Variants in ANXA9 observed in about 807,000 individuals in gnomAD.
ANXA9 encodes annexin A9, also known as annexin 31.
In ANXA9, 47 loss-of-function variants were observed where a neutral mutation model predicts 51.8. The ratio of observed to expected loss-of-function variants is 0.91; its 90% confidence interval spans 0.72 to 1.16. The LOEUF is 1.16. Ranked by LOEUF, ANXA9 falls within the 50% of genes most tolerant of loss-of-function variation. ANXA9 has a pLI of 0.00. For synonymous variants in ANXA9, 154 were observed against 168.7 expected, an observed-to-expected ratio of 0.91 and a Z score of 0.68; for missense variants, 361 against 424.7, an observed-to-expected ratio of 0.85 and a Z score of 1.32.
At position 150,989,595 on chromosome 1, in the gene ANXA9, G is replaced by A. The variant is rs1207766259; in HGVS notation, c.852+1254G>A. Among the ~76,000 whole-genome samples the A allele has an allele frequency of 2.6e-5, 4 of 151,966 alleles. No individual in the cohort carries two copies. The South Asian group carries it at 6.2e-4, about 24-fold the overall frequency. On this transcript the variant is annotated intron_variant, in intron 12 of 13. Coordinates refer to ENST00000368947, the MANE Select transcript of ANXA9 (RefSeq NM_003568.3). ...AATTCCAGCTACTTGGGAGTCTGAG[G>A]CAGGAGAATTGCTTGAACCTGGGAG...
chr1:150,983,024 G>A (rs1671449531), intron 2 of ANXA9, 66 bp from the exon 3 acceptor site: 2 of 1,222,786 alleles, frequency 1.6e-6, no homozygotes, highest in African/African-American at 3.0e-5. Flanking sequence ...GGGTCTCGGG[G>A]GGGTCATAAG....
chr1:150,983,356 C>T lies in ANXA9; in HGVS notation c.94C>T (p.Leu32=). Residue 32 remains leucine, a synonymous_variant, in exon 4 of 14, where the codon CTG becomes TTG. Transcript: ENST00000368947. ...CCCACAGACTGCAGCGTGGGGGACCCTGGGCACCCTCAGGACCTTCTTGAA... is the reference window on the plus strand; with the variant it reads ...CCCACAGACTGCAGCGTGGGGGACCTTGGGCACCCTCAGGACCTTCTTGAA... ...LASKTAAWGT[L]GTLRTFLNFS... is the part of the protein sequence containing the mutation. 2 of 1,614,030 alleles carry T rather than the reference C, an allele frequency of 1.2e-6. No individual in the cohort carries two copies. Among genetic ancestry groups the T allele is most frequent in the East Asian group, 2.2e-5 (1 of 44,882 alleles).
chr1:150,984,222 C>T (rs1671493718), intron 5 of ANXA9, 59 bp from the exon 6 acceptor site: 2 of 1,559,912 alleles, frequency 1.3e-6, no homozygotes. Flanking sequence ...AACCTCCCCA[C>T]ACTTCTGGGG....
intron 12 of ANXA9, among the ~76,000 whole-genome samples, chr1:150,990,185 C>A (rs1430352595): frequency 2.0e-5 from 3 of 150,786 alleles, no homozygotes; most frequent in African/African-American, 7.4e-5. Flanking sequence ...GTGGCACCTG[C>A]CTCTAGTCCC....
intron 9 of ANXA9, among the ~76,000 whole-genome samples, chr1:150,987,648 A>C (rs1671597678): frequency 2.0e-5 from 3 of 151,366 alleles, no homozygotes; most frequent in African/African-American, 7.3e-5. Context: ...GAATCACTTG[A>C]ACCTGGGAGG....
rs1671433638 is a variant in ANXA9 at position 150,982,516 on chromosome 1, CA to C, written c.-83del. On this transcript the variant is annotated 5_prime_UTR_variant, in exon 2 of 14. Coordinates refer to ENST00000368947, the MANE Select transcript of ANXA9 (RefSeq NM_003568.3). ...CCACGTACTTGCAAGAACTCTTGCT[CA>C]CATCAGCTAAGAGATTGCACCTGCT... 6.6e-6 allele frequency: 1 copy of C among 152,576 alleles called. No individual in the cohort carries two copies. Among genetic ancestry groups the C allele is most frequent in the Non-Finnish European group, 1.5e-5 (1 of 68,300 alleles). The allele number at this position is 152,576 out of a possible 1,614,324, so 9.5% of individuals were successfully genotyped here.
rs748187092 is a variant in ANXA9 at position 150,983,297 on chromosome 1, G to A, written c.76-41G>A. The A allele has an allele frequency of 2.5e-6, 4 of 1,607,678 alleles. No homozygotes were observed. The African/African-American group carries it at 4.0e-5, about 16-fold the overall frequency. On this transcript the variant is annotated intron_variant, in intron 3 of 13. Coordinates refer to ENST00000368947, the MANE Select transcript of ANXA9 (RefSeq NM_003568.3). ...AGGTTATGCTGAGGAGGTGTAGGCA[G>A]CCTGGCCCTGGCCCTTGCCAACTAC...
At chr1:150,993,474 A>G (rs1053877675) in intron 12 of ANXA9, among the ~76,000 whole-genome samples, 13 of 150,136 alleles carry the variant, frequency 8.7e-5, no homozygotes, top group African/African-American at 3.2e-4. Flanking sequence ...ACACCTGGCT[A>G]ATTTTTGTAG....
rs369228376 is a variant in ANXA9 at position 150,994,696 on chromosome 1, C to G, written c.972C>G (p.Leu324=). ...TTGGGAAGTCCCTCTACTCTTCTCT[C>G]CAGGTGAAACTTGGCTACTTCTTAG... is the stretch of plus-strand genomic sequence containing the variant. ...KKFGKSLYSS[L]QDAVKGDCQS... is the part of the protein sequence containing the mutation. Residue 324 remains leucine, a synonymous_variant, in exon 13 of 14, where the codon CTC becomes CTG. Transcript: ENST00000368947. 18 of 1,613,800 alleles carry G rather than the reference C, an allele frequency of 1.1e-5. No individual in the cohort carries two copies. The highest frequency in any genetic ancestry group is 1.5e-5 in the Non-Finnish European group (18 of 1,179,834).
chr1:150,984,268 C>G lies in ANXA9; in HGVS notation c.268-13C>G. On this transcript the variant is annotated splice_polypyrimidine_tract_variant and intron_variant, in intron 5 of 13. Coordinates refer to ENST00000368947, the MANE Select transcript of ANXA9 (RefSeq NM_003568.3). Reference sequence around the variant, plus strand: ...CACCCCCGTCCCTCTGCTGTGAGGACCATTTATTGTAGGACCTGATGAAGT... The same window carrying G: ...CACCCCCGTCCCTCTGCTGTGAGGAGCATTTATTGTAGGACCTGATGAAGT... 6.2e-7 allele frequency: 1 copy of G among 1,611,660 alleles called. No homozygotes were observed. The highest frequency in any genetic ancestry group is 8.5e-7 in the Non-Finnish European group (1 of 1,177,736).
intron 4 of ANXA9, 132 bp downstream of exon 4, chr1:150,983,566 G>A (rs1353620322): frequency 2.0e-5 from 17 of 862,646 alleles, no homozygotes; most frequent in Admixed American, 1.3e-4. Flanking sequence ...TATGTCAGGC[G>A]CCACAGTAGG....
chr1:150,986,569 A>G (rs1339038946), intron 8 of ANXA9, 33 bp from the exon 9 acceptor site: 4 of 1,610,822 alleles, frequency 2.5e-6, no homozygotes, highest in Non-Finnish European at 2.5e-6. Flanking sequence ...GGTGCCCTTC[A>G]AAGAGCCCTC....
intron 12 of ANXA9, 81 bp from the exon 13 acceptor site, chr1:150,994,496 C>T (rs1671783603): frequency 6.3e-7 from 1 of 1,579,224 alleles, no homozygotes; most frequent in Non-Finnish European, 8.6e-7. Context: ...CCCCTTCCTA[C>T]AATAACCCTC....
chr1:150,994,270 A>G (rs1461326139), intron 12 of ANXA9, among the ~76,000 whole-genome samples: 2 of 152,054 alleles, frequency 1.3e-5, no homozygotes, highest in African/African-American at 2.4e-5. Flanking sequence ...TGGTGTACCT[A>G]TCTTTGGAGC....
In ANXA9 at chr1:150,986,285, C is replaced by G. The variant is rs776296738; in HGVS notation, c.473-51C>G. The stretch of plus-strand genomic sequence containing the variant: ...GGCATTTGGCAGGTCCTGGGGATAT[C>G]TACACTAGGAAAACTCAGGAGGATT... On this transcript the variant is annotated intron_variant, in intron 7 of 13. Transcript: ENST00000368947. 5 of 1,560,266 alleles carry G rather than the reference C, an allele frequency of 3.2e-6. No homozygotes were observed. The African/African-American group carries it at 5.4e-5, about 17-fold the overall frequency.
Position 150,983,417 on chromosome 1 carries a change from G to A in ANXA9, c.155G>A (p.Arg52Lys). The change falls in exon 4 of 14, where the codon AGG (arginine) becomes AAG (lysine). Residue 52 changes from arginine to lysine, a missense_variant. Arg to Lys is a conservative substitution (Grantham distance 26). Coordinates refer to ENST00000368947, the MANE Select transcript of ANXA9 (RefSeq NM_003568.3). ...SVDKDAQRLL[R>K]AITGQGVDRS... ...GACAAGGATGCGCAGAGGCTACTGA[G>A]GGCCATTACTGGCCAAGGTGAGCCC... is the stretch of plus-strand genomic sequence containing the variant. 1.2e-6 allele frequency: 2 copies of A among 1,612,386 alleles called. No homozygotes were observed. Among genetic ancestry groups the A allele is most frequent in the South Asian group, 1.1e-5 (1 of 90,630 alleles).
chr1:150,979,032 A>G (rs772226516), upstream of ANXA9, among the ~76,000 whole-genome samples: 6 of 151,994 alleles, frequency 3.9e-5, no homozygotes, highest in Non-Finnish European at 7.4e-5. Context: ...GCAATTCTAA[A>G]ATGTACAACA....
intron 7 of ANXA9, 80 bp from the exon 8 acceptor site, chr1:150,986,256 G>A: frequency 7.7e-7 from 1 of 1,294,102 alleles, no homozygotes; most frequent in Non-Finnish European, 1.1e-6. Flanking sequence ...GGTATAGCGG[G>A]TCAGGCATTT....
At chr1:150,987,846 C>T in intron 9 of ANXA9, 26 bp from the exon 10 acceptor site, 2 of 1,603,240 alleles carry the variant, frequency 1.2e-6, no homozygotes, top group Non-Finnish European at 1.7e-6. Context: ...TGATTGACTC[C>T]TCCCTGACTC....
Sources: gnomAD v4.1 joint callset for allele counts (sites outside exome capture counted in the v4.1 genomes callset) on GRCh38, gnomAD v4.1.1 for gene constraint, MANE v1.5 for transcripts, NCBI Gene and HGNC (gene_info 2026-07-23, HGNC 2026-07-21) for gene names.